CEP126: variants seen among roughly 807,000 people sequenced by gnomAD.
The protein encoded by CEP126 is centrosomal protein 126.
CEP126 carries 74 observed loss-of-function variants against 107.8 expected under a neutral mutation model. The ratio of observed to expected loss-of-function variants is 0.69; its 90% confidence interval spans 0.57 to 0.83. The LOEUF is 0.83. CEP126 is among the 40% of genes least tolerant of loss of function. The pLI, the probability that CEP126 is intolerant of heterozygous loss-of-function variation, is 0.00. For missense variants in CEP126, 1,237 were observed against 1,281.9 expected (o/e 0.96, Z 0.53); for synonymous variants, 449 against 446.0 (o/e 1.01, Z -0.08).
chr11:101,960,925 G>A (rs1940961298), intron 5 of CEP126, among the ~76,000 whole-genome samples: 1 of 151,882 alleles, frequency 6.6e-6, no homozygotes, highest in African/African-American at 2.4e-5. Context: ...GTATGTGTGA[G>A]AAAACAGAAA....
intron 2 of CEP126, among the ~76,000 whole-genome samples, chr11:101,933,907 A>G (rs1940539027): frequency 6.6e-6 from 1 of 151,292 alleles, no homozygotes; most frequent in South Asian, 2.1e-4. Context: ...TGAGGAAAAC[A>G]TGGATGAAGT....
At position 102,000,187 on chromosome 11, in the gene CEP126, TAAATA is replaced by T. The variant is rs1941491785; in HGVS notation, c.*2553_*2557del. 1 of 151,832 alleles carries T rather than the reference TAAATA, an allele frequency of 6.6e-6. No individual in the cohort carries two copies. Among genetic ancestry groups the T allele is most frequent in the Admixed American group, 6.6e-5 (1 of 15,238 alleles). 9.4% of individuals were successfully genotyped at this position (151,832 alleles called of 1,614,324 possible). A position where few individuals can be genotyped will look rare whatever the true frequency, so the allele number is the denominator to read the frequency against. ...CAAGACTCCGTCTCACAAAAATGAA[TAAATA>T]AAATAAAAATAAAAATGTTACTTTT... On this transcript the variant is annotated 3_prime_UTR_variant, in exon 11 of 11. Transcript: ENST00000263468.
rs541575524 is a variant in CEP126 at position 101,989,368 on chromosome 11, C to T, written c.3244+2327C>T. 6.6e-5 allele frequency among the ~76,000 whole-genome samples: 10 copies of T among 152,176 alleles called. No homozygotes were observed. The South Asian group carries it at 1.2e-3, about 19-fold the overall frequency. ...TAGTGCATCGTAACATGTTTAGCAG[C>T]ATCCCTGGCCTTTACCCACTAGATG... is the stretch of plus-strand genomic sequence containing the variant. On this transcript the variant is annotated intron_variant, in intron 9 of 10. Transcript: ENST00000263468.
intron 1 of CEP126, 126 bp downstream of exon 1, chr11:101,915,538 ATTTCC>A (rs1940190700): frequency 8.0e-7 from 1 of 1,249,556 alleles, no homozygotes; most frequent in South Asian, 1.6e-5. Context: ...TAGTGCAGAT[ATTTCC>A]TTTAGCAACT....
chr11:101,974,902 G>T (rs533542435), intron 6 of CEP126, among the ~76,000 whole-genome samples: 1 of 152,210 alleles, frequency 6.6e-6, no homozygotes, highest in African/African-American at 2.4e-5. Context: ...GAACAATAAA[G>T]CACAAAGATA....
At position 101,963,559 on chromosome 11, in the gene CEP126, CAT is replaced by C. The variant is rs779037836; in HGVS notation, c.2525_2526del (p.His842ArgfsTer16). 1.9e-6 allele frequency: 3 copies of C among 1,614,002 alleles called. No homozygotes were observed. Among genetic ancestry groups the C allele is most frequent in the East Asian group, 2.2e-5 (1 of 44,900 alleles). On this transcript the variant is annotated frameshift_variant, in exon 6 of 11. Coordinates refer to ENST00000263468, the MANE Select transcript of CEP126 (RefSeq NM_020802.4). LOFTEE classifies it high-confidence loss of function. The part of the protein sequence containing the change: ...IITHNSFNSK[H>X]VLPTEHSLNQ... The stretch of plus-strand genomic sequence containing the variant: ...TACACATAACTCTTTTAATTCAAAA[CAT>C]GTGCTTCCAACAGAACACAGTTTGA...
At chr11:101,938,835 T>A (rs2137091879) in intron 2 of CEP126, among the ~76,000 whole-genome samples, 1 of 152,340 alleles carries the variant, frequency 6.6e-6, no homozygotes, top group East Asian at 1.9e-4. Flanking sequence ...TATGGTTTAC[T>A]TAGAACTATG....
chr11:101,920,206 C>G (rs1010943978), intron 1 of CEP126, among the ~76,000 whole-genome samples: 25 of 152,136 alleles, frequency 1.6e-4, no homozygotes, highest in Non-Finnish European at 3.4e-4. Context: ...AAGCCCCCAT[C>G]AGCAAAGGTC....
At chr11:101,933,747 C>A (rs1382967203) in intron 2 of CEP126, among the ~76,000 whole-genome samples, 1 of 151,714 alleles carries the variant, frequency 6.6e-6, no homozygotes, top group Non-Finnish European at 1.5e-5. Flanking sequence ...AAACGCCAAT[C>A]ATGTAAATGC....
intron 6 of CEP126, among the ~76,000 whole-genome samples, chr11:101,973,543 T>C (rs1941157075): frequency 6.6e-6 from 1 of 151,988 alleles, no homozygotes; most frequent in African/African-American, 2.4e-5. Flanking sequence ...TCAGGACAAA[T>C]AGCTAATGCA....
intron 1 of CEP126, among the ~76,000 whole-genome samples, chr11:101,921,052 C>G (rs1484838249): frequency 6.6e-6 from 1 of 152,132 alleles, no homozygotes; most frequent in East Asian, 1.9e-4. Flanking sequence ...ATTGCTACAA[C>G]TTATTTAAGG....
At chr11:101,928,954 T>C (rs188326817) in intron 2 of CEP126, among the ~76,000 whole-genome samples, 344 of 152,334 alleles carry the variant, frequency 2.3e-3, no homozygotes, top group Non-Finnish European at 4.2e-3. Context: ...GCATTATACC[T>C]GTATATCAAT....
intron 2 of CEP126, among the ~76,000 whole-genome samples, chr11:101,925,259 G>A (rs902054097): frequency 3.3e-5 from 5 of 152,100 alleles, no homozygotes; most frequent in African/African-American, 4.8e-5. Flanking sequence ...CTTCTTTGTA[G>A]ACCAAGGAAT....
chr11:101,992,777 G>A lies in CEP126; in HGVS notation c.3245-1G>A. ...TTGGTATTGTGATATAATTATTTCA[G>A]ATATACAAGAATCCATTTGCAAAAA... On this transcript the variant is annotated splice_acceptor_variant, in intron 9 of 10. Transcript: ENST00000263468. LOFTEE classifies it high-confidence loss of function. 1 of 1,419,246 alleles carries A rather than the reference G, an allele frequency of 7.0e-7. No homozygotes were observed. Among genetic ancestry groups the A allele is most frequent in the Non-Finnish European group, 9.6e-7 (1 of 1,040,362 alleles). 87.9% of individuals were successfully genotyped at this position (1,419,246 alleles called of 1,614,324 possible).
At position 101,962,893 on chromosome 11, in the gene CEP126, G is replaced by C. The variant is rs1004907121; in HGVS notation, c.1858G>C (p.Gly620Arg). Residue 620 changes from glycine (G) to arginine (R), a missense_variant, in exon 6 of 11, where the codon GGT becomes CGT. By Grantham distance (125) the Gly-to-Arg change is moderately radical. Coordinates refer to ENST00000263468, the MANE Select transcript of CEP126 (RefSeq NM_020802.4). ...TAGTATTGAATTAACAAAGGAAAAAGGTGCAGAAATTCCAAAGACCATTAA... is the reference window on the plus strand; with the variant it reads ...TAGTATTGAATTAACAAAGGAAAAACGTGCAGAAATTCCAAAGACCATTAA... ...RDSIELTKEKGAEIPKTIKKL... is the reference protein window; with the variant it reads ...RDSIELTKEKRAEIPKTIKKL... 6.2e-7 allele frequency: 1 copy of C among 1,609,538 alleles called. No homozygotes were observed. Among genetic ancestry groups the C allele is most frequent in the Non-Finnish European group, 8.5e-7 (1 of 1,179,038 alleles).
chr11:101,987,526 A>C (rs1230855255), intron 9 of CEP126, among the ~76,000 whole-genome samples: 1 of 152,130 alleles, frequency 6.6e-6, no homozygotes, highest in Admixed American at 6.6e-5. Context: ...CCATGGCCTC[A>C]TAGGAAAAAG....
At position 101,962,431 on chromosome 11, in the gene CEP126, C is replaced by A; in HGVS notation, c.1396C>A (p.Pro466Thr). Residue 466 changes from proline to threonine, a missense_variant, in exon 6 of 11, where the codon CCA becomes ACA. Around this residue, in one of 3 missense-constraint regions of CEP126, gnomAD observed 1,134 missense variants for 1,150.5 expected, o/e 0.99. Coordinates refer to ENST00000263468, the MANE Select transcript of CEP126 (RefSeq NM_020802.4). ...CVPVATPLVLPSNIQSARPSA... is the reference protein window; with the variant it reads ...CVPVATPLVLTSNIQSARPSA... ...ACCAGTGGCAACGCCTTTAGTTTTG[C>A]CATCTAATATACAGTCAGCTAGACC... The A allele has an allele frequency of 6.2e-7, 1 of 1,613,726 alleles. No homozygotes were observed. Among genetic ancestry groups the A allele is most frequent in the Non-Finnish European group, 8.5e-7 (1 of 1,179,842 alleles).
At chr11:101,974,512 G>A (rs1216926576) in intron 6 of CEP126, among the ~76,000 whole-genome samples, 1 of 152,146 alleles carries the variant, frequency 6.6e-6, no homozygotes, top group Admixed American at 6.5e-5. Flanking sequence ...GGAAGAGGAT[G>A]CCCCCATGAG....
At chr11:101,960,067 G>A (rs1051511785) in intron 5 of CEP126, among the ~76,000 whole-genome samples, 1 of 152,112 alleles carries the variant, frequency 6.6e-6, no homozygotes, top group Non-Finnish European at 1.5e-5. Flanking sequence ...AGAAGGATAA[G>A]TGTATGCACA....
Sources: allele counts gnomAD v4.1 joint callset (sites outside exome capture counted in the v4.1 genomes callset), GRCh38; gene constraint gnomAD v4.1.1; regional missense constraint gnomAD v4.1.1; transcripts MANE v1.5; gene names NCBI Gene and HGNC (gene_info 2026-07-23, HGNC 2026-07-21).